The following RNF130 variants were observed in gnomAD, a reference collection of about 807,000 sequenced individuals.
RNF130 encodes the protein ring finger protein 130, also known as E3 ubiquitin-protein ligase RNF130.
RNF130 carries 21 observed loss-of-function variants against 44.6 expected under a neutral mutation model. That is an observed-to-expected ratio of 0.47 (90% CI 0.33 to 0.68). RNF130 has a LOEUF of 0.68. RNF130 is among the 30% of genes least tolerant of loss of function. The pLI is 0.02. For missense variants in RNF130, 479 were observed against 560.6 expected (o/e 0.85, Z 1.47); for synonymous variants, 214 against 210.4 (o/e 1.02, Z -0.15).
In RNF130 at chr5:179,955,088, G is replaced by A. The variant is rs1762183053; in HGVS notation, c.*566C>T. On this transcript the variant is annotated 3_prime_UTR_variant, in exon 9 of 9. Transcript: ENST00000521389. ...TTCCTTCATTCCACAAATATTTATT[G>A]AGCACTTACGATGTGCAAAGCACTC... 6.6e-6 allele frequency: 1 copy of A among 152,094 alleles called. No homozygotes were observed. Among genetic ancestry groups the A allele is most frequent in the Non-Finnish European group, 1.5e-5 (1 of 68,038 alleles). The allele number at this position is 152,094 out of a possible 1,614,324, so 9.4% of individuals were successfully genotyped here.
At chr5:179,992,407 G>C (rs1476728193) in intron 3 of RNF130, among the ~76,000 whole-genome samples, 1 of 152,214 alleles carries the variant, frequency 6.6e-6, no homozygotes, top group Non-Finnish European at 1.5e-5. Flanking sequence ...CTCCCAAAGT[G>C]CTGGGATTAC....
chr5:179,962,271 G>A (rs1348103913), intron 8 of RNF130, among the ~76,000 whole-genome samples: 2 of 152,200 alleles, frequency 1.3e-5, no homozygotes, highest in East Asian at 3.9e-4. Flanking sequence ...GATGCCAGGG[G>A]GCACTTCTTC....
intron 7 of RNF130, among the ~76,000 whole-genome samples, chr5:179,965,894 G>T (rs1023236154): frequency 6.6e-6 from 1 of 152,206 alleles, no homozygotes; most frequent in South Asian, 2.1e-4. Context: ...GAAACATTTT[G>T]TAACAGTGTC....
chr5:180,010,985 CCA>C (rs1763581964), intron 3 of RNF130, among the ~76,000 whole-genome samples: 1 of 152,122 alleles, frequency 6.6e-6, no homozygotes, highest in African/African-American at 2.4e-5. Flanking sequence ...ATGATACTGA[CCA>C]CAGTTATACA....
intron 3 of RNF130, among the ~76,000 whole-genome samples, chr5:179,985,153 CTTTTTTTTTTTT>C (rs34998254): frequency 4.3e-5 from 4 of 91,968 alleles, no homozygotes; most frequent in Non-Finnish European, 5.9e-5. Context: ...TACCCCCTAA[CTTTTTTTTTTTT>C]TTTTTTTTTT....
chr5:179,920,355 C>T (rs886620468), exon 8 of RNF130: 1 of 702,222 alleles, frequency 1.4e-6, no homozygotes. Flanking sequence ...AAAGAAGGTT[C>T]GATGGTGGAG....
intron 2 of RNF130, among the ~76,000 whole-genome samples, chr5:180,016,472 C>T (rs1763736674): frequency 6.6e-6 from 1 of 152,224 alleles, no homozygotes; most frequent in Non-Finnish European, 1.5e-5. Flanking sequence ...CCCACCACTC[C>T]CATGTCCCAG....
chr5:180,021,979 A>G (rs771743111), intron 2 of RNF130, among the ~76,000 whole-genome samples: 16 of 152,082 alleles, frequency 1.1e-4, no homozygotes, highest in Non-Finnish European at 2.1e-4. Context: ...GGTGTTTGTG[A>G]CCTTGGCACT....
exon 8 of RNF130, chr5:179,918,510 T>C (rs953413171): frequency 6.6e-6 from 1 of 152,118 alleles, no homozygotes; most frequent in Non-Finnish European, 1.5e-5. Flanking sequence ...GTCAAACACA[T>C]ACAAATGCAG....
intron 3 of RNF130, among the ~76,000 whole-genome samples, chr5:180,003,912 T>C (rs1225785436): frequency 6.6e-6 from 1 of 152,230 alleles, no homozygotes; most frequent in African/African-American, 2.4e-5. Flanking sequence ...AAATCTATAC[T>C]AACTAAGGTT....
At chr5:179,976,619 T>C (rs1762721096) in intron 5 of RNF130, among the ~76,000 whole-genome samples, 1 of 152,334 alleles carries the variant, frequency 6.6e-6, no homozygotes, top group Middle Eastern at 3.4e-3. Context: ...TTCCTTTATA[T>C]GTAAACTAGA....
chr5:180,062,719 A>T (rs1432248958), intron 1 of RNF130, among the ~76,000 whole-genome samples: 1 of 152,178 alleles, frequency 6.6e-6, no homozygotes, highest in African/African-American at 2.4e-5. Flanking sequence ...TTTGCCAGAG[A>T]TGAATGTGGT....
chr5:180,043,891 G>A (rs1188781110), intron 1 of RNF130, among the ~76,000 whole-genome samples: 1 of 152,092 alleles, frequency 6.6e-6, no homozygotes, highest in African/African-American at 2.4e-5. Flanking sequence ...TCAAAAAAGT[G>A]GTATTTATTA....
chr5:180,024,133 T>G (rs886662763), intron 2 of RNF130, among the ~76,000 whole-genome samples: 1 of 152,146 alleles, frequency 6.6e-6, no homozygotes, highest in Non-Finnish European at 1.5e-5. Context: ...TCCTCAAAGC[T>G]GTCAAGGTCA....
At chr5:180,053,604 T>A (rs1459173989) in intron 1 of RNF130, among the ~76,000 whole-genome samples, 2 of 152,146 alleles carry the variant, frequency 1.3e-5, no homozygotes, top group African/African-American at 2.4e-5. Flanking sequence ...CAAAGCTACT[T>A]CTCACAAAAG....
intron 3 of RNF130, among the ~76,000 whole-genome samples, chr5:179,996,523 T>C (rs115435937): frequency 3.6e-3 from 542 of 152,356 alleles, no homozygotes; most frequent in Non-Finnish European, 5.8e-3. Context: ...AGAGTTCATA[T>C]CATGAAGCCA....
intron 3 of RNF130, among the ~76,000 whole-genome samples, chr5:180,003,775 A>G (rs1428784841): frequency 6.6e-6 from 1 of 152,220 alleles, no homozygotes. Flanking sequence ...TTCCATGAAG[A>G]TCACTTTTTA....
At chr5:180,070,661 T>A (rs1422307377) in intron 1 of RNF130, among the ~76,000 whole-genome samples, 1 of 152,222 alleles carries the variant, frequency 6.6e-6, no homozygotes, top group Admixed American at 6.5e-5. Flanking sequence ...AAAAATCATA[T>A]TCCACGATGT....
chr5:179,940,901 A>AT (rs1019826348), intron 7 of RNF130, among the ~76,000 whole-genome samples: 1 of 149,282 alleles, frequency 6.7e-6, no homozygotes, highest in Non-Finnish European at 1.5e-5. Context: ...TTCTCATTTT[A>AT]TTTTTTTGCT....
Sources: allele counts gnomAD v4.1 joint callset (sites outside exome capture counted in the v4.1 genomes callset), GRCh38; gene constraint gnomAD v4.1.1; transcripts MANE v1.5; gene names NCBI Gene and HGNC (gene_info 2026-07-23, HGNC 2026-07-21).